The following OMG variants were observed in gnomAD, a reference collection of about 807,000 sequenced individuals.
The protein encoded by OMG is oligodendrocyte myelin glycoprotein.
Under a neutral mutation model 26.2 loss-of-function variants are expected in OMG, and 9 were observed. That is an observed-to-expected ratio of 0.34 (90% CI 0.21 to 0.60). The LOEUF (loss-of-function observed/expected upper bound fraction) is 0.60. Among genes scored for constraint, OMG ranks in the 20% least tolerant of loss-of-function variants. The pLI is 0.80. For synonymous variants in OMG, 179 were observed against 190.4 expected, an observed-to-expected ratio of 0.94 and a Z score of 0.49; for missense variants, 402 against 513.6, an observed-to-expected ratio of 0.78 and a Z score of 2.10.
In OMG at chr17:31,295,220, G is replaced by T; in HGVS notation, c.1112C>A (p.Thr371Lys). 6.2e-7 allele frequency: 1 copy of T among 1,614,136 alleles called. No individual in the cohort carries two copies. The highest frequency in any genetic ancestry group is 8.5e-7 in the Non-Finnish European group (1 of 1,180,014). Reference sequence around the variant, plus strand: ...GGTCATGGGTGTTGGGGATGATTTTGTTGAGCTAGTGAGGCTTGTGTTTGT... The same window carrying T: ...GGTCATGGGTGTTGGGGATGATTTTTTTGAGCTAGTGAGGCTTGTGTTTGT... ...MVTNTSLTSS[T>K]KSSPTPMTLS... Residue 371 changes from threonine to lysine, a missense_variant, in exon 2 of 2, where the codon ACA becomes AAA. Transcript: ENST00000247271.
chr17:31,295,253 C>G lies in OMG; in HGVS notation c.1079G>C (p.Gly360Ala). Reference sequence around the variant, plus strand: ...AGTGAGGCTTGTGTTTGTGACCATTCCATCTTGGAGATGAATAGTTAGAGT... The same window carrying G: ...AGTGAGGCTTGTGTTTGTGACCATTGCATCTTGGAGATGAATAGTTAGAGT... ...AATLTIHLQDGMVTNTSLTSS... is the reference protein window; with the variant it reads ...AATLTIHLQDAMVTNTSLTSS... The change falls in exon 2 of 2, where the codon GGA becomes GCA. Residue 360 changes from glycine to alanine, a missense_variant. Physicochemically the swap from Gly to Ala is moderately conservative, Grantham distance 60. Coordinates refer to ENST00000247271, the MANE Select transcript of OMG (RefSeq NM_002544.5). The G allele has an allele frequency of 6.2e-7, 1 of 1,614,006 alleles. No individual in the cohort carries two copies. The highest frequency in any genetic ancestry group is 8.5e-7 in the Non-Finnish European group (1 of 1,179,980).
At position 31,297,144 on chromosome 17, in the gene OMG, A is replaced by G. The variant is rs906306925; in HGVS notation, c.-7+12T>C. ...CAAAGTCAGCCTTTTACTGATTTAA[A>G]TAACATCTTACCGTGGTGTCGTCTT... On this transcript the variant is annotated intron_variant, in intron 1 of 1. Transcript: ENST00000247271. The G allele has an allele frequency of 5.3e-5, 8 of 152,224 alleles. No individual in the cohort carries two copies. Among genetic ancestry groups the G allele is most frequent in the Non-Finnish European group, 1.0e-4 (7 of 68,050 alleles). 9.4% of individuals were successfully genotyped at this position (152,224 alleles called of 1,614,324 possible).
intron 1 of OMG, 41 bp from the exon 2 acceptor site, chr17:31,296,378 A>G: frequency 6.2e-7 from 1 of 1,609,718 alleles, no homozygotes; most frequent in South Asian, 1.1e-5. Context: ...ATATGCAAAT[A>G]CAGTTTAGGC....
At position 31,296,248 on chromosome 17, in the gene OMG, G is replaced by A. The variant is rs1429868370; in HGVS notation, c.84C>T (p.Leu28=). The change falls in exon 2 of 2, where the codon CTC becomes CTT. Residue 28 remains leucine, a synonymous_variant. Coordinates refer to ENST00000247271, the MANE Select transcript of OMG (RefSeq NM_002544.5). The stretch of plus-strand genomic sequence containing the variant: ...TGTGCCTCTCTGTGCATATACATTG[G>A]AGAGGACAAATGCATAAAATACCAG... ...LTPGILCICP[L]QCICTERHRH... is the part of the protein sequence containing the mutation. 1 of 1,613,992 alleles carries A rather than the reference G, an allele frequency of 6.2e-7. No homozygotes were observed. Among genetic ancestry groups the A allele is most frequent in the Non-Finnish European group, 8.5e-7 (1 of 1,179,996 alleles).
At position 31,296,246 on chromosome 17, in the gene OMG, T is replaced by C. The variant is rs1340490284; in HGVS notation, c.86A>G (p.Gln29Arg). 6.2e-7 allele frequency: 1 copy of C among 1,613,974 alleles called. No homozygotes were observed. The highest frequency in any genetic ancestry group is 8.5e-7 in the Non-Finnish European group (1 of 1,179,976). Reference protein sequence around the residue: ...TPGILCICPLQCICTERHRHV... With the variant: ...TPGILCICPLRCICTERHRHV... ...CCTGTGCCTCTCTGTGCATATACAT[T>C]GGAGAGGACAAATGCATAAAATACC... is the stretch of plus-strand genomic sequence containing the variant. Residue 29 changes from glutamine (Q) to arginine (R), a missense_variant, in exon 2 of 2, where the codon CAA (glutamine) becomes CGA (arginine). By Grantham distance (43) the Gln-to-Arg change is conservative. Transcript: ENST00000247271.
rs754648490 is a variant in OMG, at chr17:31,296,036, C to A, written c.296G>T (p.Arg99Leu). 2.5e-6 allele frequency: 4 copies of A among 1,613,900 alleles called. No homozygotes were observed. The highest frequency in any genetic ancestry group is 3.4e-6 in the Non-Finnish European group (4 of 1,179,954). ...AGCAGCAGACATGTTCCACAGAGAC[C>A]GAGGTAAGTGAGCAGGCAGGCTTTC... The part of the protein sequence containing the change: ...RLESLPAHLP[R>L]SLWNMSAANN... Residue 99 changes from arginine (R) to leucine (L), a missense_variant, in exon 2 of 2, where the codon CGG becomes CTG. Coordinates refer to ENST00000247271, the MANE Select transcript of OMG (RefSeq NM_002544.5).
chr17:31,296,759 T>A (rs1159535961), intron 1 of OMG: 3 of 229,118 alleles, frequency 1.3e-5, no homozygotes, highest in East Asian at 1.0e-4. Flanking sequence ...CTTTTTTTTT[T>A]AATCTCTGCA....
chr17:31,294,821 A>G lies in OMG; in HGVS notation c.*188T>C, dbSNP rs1049988718. 1 of 681,268 alleles carries G rather than the reference A, an allele frequency of 1.5e-6. No homozygotes were observed. Among genetic ancestry groups the G allele is most frequent in the African/African-American group, 1.8e-5 (1 of 55,434 alleles). 42.2% of individuals were successfully genotyped at this position (681,268 alleles called of 1,614,324 possible). On this transcript the variant is annotated 3_prime_UTR_variant, in exon 2 of 2. Coordinates refer to ENST00000247271, the MANE Select transcript of OMG (RefSeq NM_002544.5). ...TTAATTAAGACAGTAAAATAGCAGC[A>G]AGTACCAAGACATTGTGCATTTCTT...
At position 31,295,470 on chromosome 17, in the gene OMG, T is replaced by C; in HGVS notation, c.862A>G (p.Thr288Ala). ...FTVSGMQTVD[T>A]INSLSVVTQP... ...GTTACCACACTCAGAGAGTTAATGGTGTCCACTGTCTGCATCCCACTTACA... is the reference window on the plus strand; with the variant it reads ...GTTACCACACTCAGAGAGTTAATGGCGTCCACTGTCTGCATCCCACTTACA... Residue 288 changes from threonine (T) to alanine (A), a missense_variant, in exon 2 of 2, where the codon ACC (threonine) becomes GCC (alanine). Physicochemically the swap from Thr to Ala is moderately conservative, Grantham distance 58 (BLOSUM62 0). Coordinates refer to ENST00000247271, the MANE Select transcript of OMG (RefSeq NM_002544.5). The C allele has an allele frequency of 6.2e-7, 1 of 1,614,166 alleles. No individual in the cohort carries two copies. Among genetic ancestry groups the C allele is most frequent in the Non-Finnish European group, 8.5e-7 (1 of 1,180,016 alleles).
intron 1 of OMG, chr17:31,296,612 ATTCT>A: frequency 2.5e-6 from 1 of 407,588 alleles, no homozygotes; most frequent in Non-Finnish European, 4.6e-6. Context: ...TTCTAACCAT[ATTCT>A]TTCTTATTTA....
intron 1 of OMG, 70 bp from the exon 2 acceptor site, chr17:31,296,407 G>T: frequency 6.6e-7 from 1 of 1,507,104 alleles, no homozygotes; most frequent in Non-Finnish European, 9.2e-7. Flanking sequence ...GGGTCAGTTA[G>T]CATTAGGCAA....
chr17:31,296,221 C>T lies in OMG; in HGVS notation c.111G>A (p.Arg37=). Reference sequence around the variant, plus strand: ...AGTTTCTGCCTGAACAGTCCACATGCCTGTGCCTCTCTGTGCATATACATT... The same window carrying T: ...AGTTTCTGCCTGAACAGTCCACATGTCTGTGCCTCTCTGTGCATATACATT... The part of the protein sequence containing the change: ...PLQCICTERH[R]HVDCSGRNLS... The change falls in exon 2 of 2, where the codon AGG becomes AGA. Residue 37 remains arginine (R), a synonymous_variant. Coordinates refer to ENST00000247271, the MANE Select transcript of OMG (RefSeq NM_002544.5). 2 of 1,614,096 alleles carry T rather than the reference C, an allele frequency of 1.2e-6. No individual in the cohort carries two copies. The highest frequency in any genetic ancestry group is 1.7e-6 in the Non-Finnish European group (2 of 1,179,996).
Position 31,295,569 on chromosome 17 carries a change from A to G in OMG, c.763T>C (p.Ser255Pro). The G allele has an allele frequency of 6.2e-7, 1 of 1,614,184 alleles. No homozygotes were observed. The highest frequency in any genetic ancestry group is 8.5e-7 in the Non-Finnish European group (1 of 1,180,016). ...TCCTTTAAAGATGATATTTGGGTAG[A>G]ACATGGAGTCCCTATCACATGGGCT... ...TKAHVIGTPC[S>P]TQISSLKEHN... Residue 255 changes from serine (S) to proline (P), a missense_variant, in exon 2 of 2, where the codon TCT becomes CCT. Physicochemically the swap from Ser to Pro is moderately conservative, Grantham distance 74. Around this residue, in one of 3 missense-constraint regions of OMG, gnomAD observed 247 missense variants for 274.7 expected, o/e 0.90. Transcript: ENST00000247271.
Position 31,295,421 on chromosome 17 carries a change from G to A in OMG, c.911C>T (p.Pro304Leu), listed in dbSNP as rs1278364449. The A allele has an allele frequency of 6.2e-7, 1 of 1,614,028 alleles. No individual in the cohort carries two copies. The highest frequency in any genetic ancestry group is 8.5e-7 in the Non-Finnish European group (1 of 1,179,976). The change falls in exon 2 of 2, where the codon CCC becomes CTC. Residue 304 changes from proline to leucine, a missense_variant. Physicochemically the swap from Pro to Leu is moderately conservative, Grantham distance 98. Transcript: ENST00000247271. ...VVTQPKVTKI[P>L]KQYRTKETTF... is the part of the protein sequence containing the mutation. ...TGTTTCCTTTGTTCGATATTGTTTGGGTATTTTGGTCACTTTGGGTTGAGT... is the reference window on the plus strand; with the variant it reads ...TGTTTCCTTTGTTCGATATTGTTTGAGTATTTTGGTCACTTTGGGTTGAGT...
Position 31,295,489 on chromosome 17 carries a change from A to G in OMG, c.843T>C (p.Ser281=), listed in dbSNP as rs1449367025. 1.2e-6 allele frequency: 2 copies of G among 1,614,162 alleles called. No individual in the cohort carries two copies. The highest frequency in any genetic ancestry group is 1.7e-5 in the Admixed American group (1 of 60,022). Residue 281 remains serine (S), a synonymous_variant, in exon 2 of 2, where the codon AGT becomes AGC. Transcript: ENST00000247271. ...TAATGGTGTCCACTGTCTGCATCCC[A>G]CTTACAGTGAATAAGCTTGAGGTAA... ...SGFTSSLFTV[S]GMQTVDTINS... is the part of the protein sequence containing the mutation.
rs1163136238 is a variant in OMG at position 31,296,302 on chromosome 17, G to A, written c.30C>T (p.Leu10=). The change falls in exon 2 of 2, where the codon CTC becomes CTT. Residue 10 remains leucine (L), a synonymous_variant. Coordinates refer to ENST00000247271, the MANE Select transcript of OMG (RefSeq NM_002544.5). The stretch of plus-strand genomic sequence containing the variant: ...TGAGAAACAGAAGGATGAACAGGCA[G>A]AGAGACATTTTCAATATCTGATATT... MEYQILKMS[L]CLFILLFLTP... 2 of 1,613,902 alleles carry A rather than the reference G, an allele frequency of 1.2e-6. No individual in the cohort carries two copies. The highest frequency in any genetic ancestry group is 1.7e-6 in the Non-Finnish European group (2 of 1,179,860).
At chr17:31,296,728 G>T in intron 1 of OMG, 1 of 220,968 alleles carries the variant, frequency 4.5e-6, no homozygotes. Flanking sequence ...TTACTCAGAT[G>T]AGAAAAAATG....
chr17:31,296,318 A>G lies in OMG; in HGVS notation c.14T>C (p.Ile5Thr). 1 of 1,613,984 alleles carries G rather than the reference A, an allele frequency of 6.2e-7. No individual in the cohort carries two copies. Among genetic ancestry groups the G allele is most frequent in the South Asian group, 1.1e-5 (1 of 91,082 alleles). Reference sequence around the variant, plus strand: ...GAACAGGCAGAGAGACATTTTCAATATCTGATATTCCATCAAAGCCTAGAA... The same window carrying G: ...GAACAGGCAGAGAGACATTTTCAATGTCTGATATTCCATCAAAGCCTAGAA... MEYQ[I>T]LKMSLCLFIL... The change falls in exon 2 of 2, where the codon ATA (isoleucine) becomes ACA (threonine). Residue 5 changes from isoleucine to threonine, a missense_variant. Around this residue, in one of 3 missense-constraint regions of OMG, gnomAD observed 65 missense variants for 80.0 expected, o/e 0.81. Transcript: ENST00000247271.
Position 31,295,295 on chromosome 17 carries a change from T to C in OMG, c.1037A>G (p.His346Arg), listed in dbSNP as rs140194473. The C allele has an allele frequency of 5.4e-5, 87 of 1,614,168 alleles. No homozygotes were observed. In the African/African-American group the frequency reaches 9.3e-4, roughly 17 times the overall value. Residue 346 changes from histidine (H) to arginine (R), a missense_variant, in exon 2 of 2, where the codon CAT becomes CGT. His to Arg is a conservative substitution (Grantham distance 29). Around this residue, in one of 3 missense-constraint regions of OMG, gnomAD observed 247 missense variants for 274.7 expected, o/e 0.90. Coordinates refer to ENST00000247271, the MANE Select transcript of OMG (RefSeq NM_002544.5). ...EDTSTETINS[H>R]EAAAATLTIH... ...AGTTAGAGTTGCAGCTGCTGCTTCA[T>C]GTGAATTGATAGTCTCTGTGGATGT...
Sources: allele counts gnomAD v4.1 joint callset, GRCh38; gene constraint gnomAD v4.1.1; regional missense constraint gnomAD v4.1.1; transcripts MANE v1.5; gene names NCBI Gene and HGNC (gene_info 2026-07-23, HGNC 2026-07-21).